Variants in DENND3 observed in about 807,000 individuals in gnomAD.
The protein encoded by DENND3 is DENN domain-containing protein 3.
In DENND3, 88 loss-of-function variants were observed where a neutral mutation model predicts 135.1. That is an observed-to-expected ratio of 0.65 (90% confidence interval 0.55 to 0.78). The LOEUF (loss-of-function observed/expected upper bound fraction) is 0.78, where lower values mean the gene tolerates loss of function less well. DENND3 is among the 30% of genes least tolerant of loss of function. The probability of loss-of-function intolerance (pLI) is 0.00; values close to 1 mark genes in which losing one functional copy is unlikely to be tolerated. For synonymous variants in DENND3, 693 were observed against 712.3 expected (o/e 0.97, Z 0.43); for missense variants, 1,392 against 1,688.4 (o/e 0.82, Z 3.08).
At position 141,180,874 on chromosome 8, in the gene DENND3, G is replaced by T. The variant is rs116043382; in HGVS notation, c.2944+20G>T. The T allele has an allele frequency of 5.5e-3, 8,807 of 1,594,628 alleles. 415 individuals carry two copies. In the African/African-American group the frequency reaches 0.1, roughly 19 times the overall value. ...CTCCAGGTAAGGCCCCTCTGCCCGCGCCTCGCTGCCAGTTTTCAGCCAATC... is the reference window on the plus strand; with the variant it reads ...CTCCAGGTAAGGCCCCTCTGCCCGCTCCTCGCTGCCAGTTTTCAGCCAATC... On this transcript the variant is annotated intron_variant, in intron 17 of 22. Coordinates refer to ENST00000519811, the MANE Select transcript of DENND3 (RefSeq NM_001352890.3).
chr8:141,157,315 GT>G (rs1450628689), intron 8 of DENND3: 6 of 985,322 alleles, frequency 6.1e-6, no homozygotes, highest in Non-Finnish European at 7.2e-6. Flanking sequence ...GAGGTGTTGG[GT>G]GTGCCCCAAG....
intron 16 of DENND3, 68 bp downstream of exon 16, chr8:141,178,264 C>A: frequency 6.5e-7 from 1 of 1,549,450 alleles, no homozygotes; most frequent in South Asian, 1.2e-5. Context: ...TTTATCTGGT[C>A]GATGTCTGTT....
At chr8:141,145,759 A>G (rs370395951) in intron 5 of DENND3, among the ~76,000 whole-genome samples, 109 of 146,980 alleles carry the variant, frequency 7.4e-4, no homozygotes, top group African/African-American at 2.5e-3. Context: ...TATTCAAATT[A>G]CAGATTTTTC....
At chr8:141,132,892 C>A (rs903428558) in intron 1 of DENND3, among the ~76,000 whole-genome samples, 6 of 152,168 alleles carry the variant, frequency 3.9e-5, no homozygotes, top group African/African-American at 1.4e-4. Context: ...TAAGAGATCA[C>A]CAGGTGCCAG....
At chr8:141,142,334 T>C (rs1465229194) in intron 4 of DENND3, 1 of 455,798 alleles carries the variant, frequency 2.2e-6, no homozygotes, top group East Asian at 7.0e-5. Flanking sequence ...AGTTCCCTTT[T>C]GTGTCATCAT....
intron 8 of DENND3, among the ~76,000 whole-genome samples, chr8:141,159,610 G>T (rs1331400730): frequency 6.6e-6 from 1 of 152,220 alleles, no homozygotes; most frequent in Non-Finnish European, 1.5e-5. Context: ...GCAGGCAGGG[G>T]CTTGGCCTGT....
chr8:141,134,205 G>A (rs917743583), intron 1 of DENND3, among the ~76,000 whole-genome samples: 4 of 152,192 alleles, frequency 2.6e-5, no homozygotes, highest in African/African-American at 4.8e-5. Flanking sequence ...AAAGTGACAT[G>A]TAATTGAGGA....
In DENND3 at chr8:141,128,862, C is replaced by A; in HGVS notation, c.102+53C>A. 7.7e-7 allele frequency: 1 copy of A among 1,299,110 alleles called. No homozygotes were observed. Among genetic ancestry groups the A allele is most frequent in the Non-Finnish European group, 1.0e-6 (1 of 1,000,232 alleles). The allele number at this position is 1,299,110 out of a possible 1,614,324, so 80.5% of individuals were successfully genotyped here. A position where few individuals can be genotyped will look rare whatever the true frequency, so the allele number is the denominator to read the frequency against. ...GTGGGCCACGAGTCGGCAGCCGGGA[C>A]AGCAGTCGGAGAGCGGGCGCCCGGG... is the stretch of plus-strand genomic sequence containing the variant. On this transcript the variant is annotated intron_variant, in intron 1 of 22. Transcript: ENST00000519811. The surrounding 1 kb of genome is among the most constrained non-coding windows in gnomAD (Gnocchi z 4.5).
intron 18 of DENND3, among the ~76,000 whole-genome samples, chr8:141,186,684 T>C (rs954458414): frequency 1.3e-5 from 2 of 152,208 alleles, no homozygotes; most frequent in African/African-American, 2.4e-5. Context: ...TTAAAACAAG[T>C]GCAACTGTTA....
chr8:141,160,419 A>G lies in DENND3; in HGVS notation c.1197-213A>G, dbSNP rs909318945. Among the ~76,000 whole-genome samples the G allele has an allele frequency of 1.7e-4, 26 of 152,148 alleles. 1 individual carries two copies. The highest frequency in any genetic ancestry group is 5.3e-4 in the African/African-American group (22 of 41,436). ...GTCTTGAACTCCCTGACCTCAGGTG[A>G]TCCACCCACCTCGGCCTCCCAAAGT... is the stretch of plus-strand genomic sequence containing the variant. On this transcript the variant is annotated intron_variant, in intron 8 of 22. Coordinates refer to ENST00000519811, the MANE Select transcript of DENND3 (RefSeq NM_001352890.3).
intron 13 of DENND3, among the ~76,000 whole-genome samples, chr8:141,170,094 C>A (rs1323886256): frequency 1.3e-5 from 2 of 152,260 alleles, no homozygotes; most frequent in African/African-American, 4.8e-5. Context: ...GGATGCCACA[C>A]TGACGTCACA....
intron 6 of DENND3, 50 bp from the exon 7 acceptor site, chr8:141,151,567 ATT>A (rs878896784): frequency 2.1e-3 from 2,667 of 1,282,310 alleles, no homozygotes; most frequent in Non-Finnish European, 2.4e-3. Context: ...CCCTGTCTGT[ATT>A]TTTTTTTTTT....
intron 13 of DENND3, among the ~76,000 whole-genome samples, chr8:141,171,825 T>C (rs970418844): frequency 6.1e-5 from 9 of 146,988 alleles, no homozygotes. Context: ...TGGCCGTGGG[T>C]GTGCACTGTG....
intron 8 of DENND3, among the ~76,000 whole-genome samples, chr8:141,156,664 A>G (rs1819476297): frequency 6.6e-6 from 1 of 152,090 alleles, no homozygotes; most frequent in Admixed American, 6.5e-5. Flanking sequence ...CAGGACAGCC[A>G]TGGCCCCTGC....
At position 141,146,814 on chromosome 8, in the gene DENND3, A is replaced by G. The variant is rs1193187637; in HGVS notation, c.735+2555A>G. 6.6e-6 allele frequency among the ~76,000 whole-genome samples: 1 copy of G among 152,150 alleles called. No homozygotes were observed. The highest frequency in any genetic ancestry group is 2.4e-5 in the African/African-American group (1 of 41,426). On this transcript the variant is annotated intron_variant, in intron 5 of 22. Transcript: ENST00000519811. The surrounding 1 kb of genome is among the most constrained non-coding windows in gnomAD (Gnocchi z 4.3). ...TTTATCGGCCGCGTGTTTTATGTGG[A>G]TAGTTGGCATTTTCTTGTCAACAGT...
In DENND3 at chr8:141,178,241, C is replaced by T. The variant is rs202058840; in HGVS notation, c.2836+45C>T. 1.0e-5 allele frequency: 16 copies of T among 1,578,170 alleles called. No individual in the cohort carries two copies. The East Asian group carries it at 1.8e-4, about 18-fold the overall frequency. ...AGCGTGGATCATTGTCCTGATTACA[C>T]GCCTTAAGTGATTTTATCTGGTCGA... On this transcript the variant is annotated intron_variant, in intron 16 of 22. Coordinates refer to ENST00000519811, the MANE Select transcript of DENND3 (RefSeq NM_001352890.3).
In DENND3 at chr8:141,175,653, G is replaced by A; in HGVS notation, c.2535+194G>A. ...GGCTGATACCTTCTCAGTGGGTGGT[G>A]GAGATTGAATAGTTTGCATATGGAG... On this transcript the variant is annotated intron_variant, in intron 14 of 22. Coordinates refer to ENST00000519811, the MANE Select transcript of DENND3 (RefSeq NM_001352890.3). The surrounding 1 kb of genome is among the most constrained non-coding windows in gnomAD (Gnocchi z 5.4). The A allele has an allele frequency of 3.8e-6, 3 of 784,438 alleles. No individual in the cohort carries two copies. The highest frequency in any genetic ancestry group is 6.3e-6 in the Non-Finnish European group (3 of 475,192). 48.6% of individuals were successfully genotyped at this position (784,438 alleles called of 1,614,324 possible).
intron 4 of DENND3, chr8:141,142,545 G>A (rs540801849): frequency 3.2e-4 from 116 of 359,346 alleles, no homozygotes; most frequent in Non-Finnish European, 5.0e-4. Flanking sequence ...ACTGGCTTTT[G>A]GACATAGTTT....
In DENND3 at chr8:141,136,712, C is replaced by A. The variant is rs766540107; in HGVS notation, c.306C>A (p.Pro102=). ...RPEQWKGLPG[P]PRAPEPEDVA... ...AGCAGTGGAAGGGCCTCCCGGGGCCCCCCAGAGCGCCAGAGCCTGAGGATG... is the reference window on the plus strand; with the variant it reads ...AGCAGTGGAAGGGCCTCCCGGGGCCACCCAGAGCGCCAGAGCCTGAGGATG... The change falls in exon 2 of 23, where the codon CCC becomes CCA. Residue 102 remains proline (P), a synonymous_variant. Coordinates refer to ENST00000519811, the MANE Select transcript of DENND3 (RefSeq NM_001352890.3). The A allele has an allele frequency of 6.2e-6, 10 of 1,611,560 alleles. No homozygotes were observed. Among genetic ancestry groups the A allele is most frequent in the Non-Finnish European group, 8.5e-6 (10 of 1,179,118 alleles).
Sources: gnomAD v4.1 joint callset for allele counts (sites outside exome capture counted in the v4.1 genomes callset) on GRCh38, gnomAD v4.1.1 for gene constraint, Gnocchi (gnomAD v3.1) non-coding constraint, MANE v1.5 for transcripts, NCBI Gene and HGNC (gene_info 2026-07-23, HGNC 2026-07-21) for gene names.